DGKI: variants seen among roughly 807,000 people sequenced by gnomAD.
DGKI encodes diacylglycerol kinase iota.
DGKI carries 55 observed loss-of-function variants against 147.5 expected under a neutral mutation model. The ratio of observed to expected loss-of-function variants is 0.37; its 90% CI spans 0.30 to 0.47. The LOEUF (loss-of-function observed/expected upper bound fraction) is 0.47, where lower values mean the gene tolerates loss of function less well. Ranked by LOEUF, DGKI falls within the 20% of genes least tolerant of loss-of-function variation. The pLI is 1.00. For missense variants in DGKI, 1,007 were observed against 1,323.8 expected, an observed-to-expected ratio of 0.76 and a Z score of 3.71; for synonymous variants, 469 against 477.1, an observed-to-expected ratio of 0.98 and a Z score of 0.22.
At chr7:137,681,386 T>C (rs949486950) in intron 2 of DGKI, among the ~76,000 whole-genome samples, 5 of 152,196 alleles carry the variant, frequency 3.3e-5, no homozygotes, top group Non-Finnish European at 5.9e-5. Context: ...CAGATAGTGA[T>C]GGATGATGAC....
chr7:137,768,580 G>A (rs981665813), intron 1 of DGKI, among the ~76,000 whole-genome samples: 4 of 152,120 alleles, frequency 2.6e-5, no homozygotes, highest in Admixed American at 2.6e-4. Context: ...GTAAGCAAAG[G>A]GCACATTTCC....
At chr7:137,615,331 A>G (rs1325309637) in intron 8 of DGKI, among the ~76,000 whole-genome samples, 1 of 152,136 alleles carries the variant, frequency 6.6e-6, no homozygotes, top group African/African-American at 2.4e-5. Flanking sequence ...TTCTAGCTAT[A>G]TTCCCCACTA....
chr7:137,535,343 C>T (rs1563073180), intron 20 of DGKI, among the ~76,000 whole-genome samples: 2 of 152,114 alleles, frequency 1.3e-5, no homozygotes, highest in Non-Finnish European at 2.9e-5. Context: ...CTAATTTTCA[C>T]TTATCTATTA....
At chr7:137,735,857 G>A (rs878887966) in intron 1 of DGKI, among the ~76,000 whole-genome samples, 6 of 152,084 alleles carry the variant, frequency 3.9e-5, no homozygotes, top group Admixed American at 2.6e-4. Flanking sequence ...AATTATAGGA[G>A]CAAGAGCTGA....
chr7:137,566,815 G>A (rs564305386), intron 19 of DGKI, among the ~76,000 whole-genome samples: 1 of 151,970 alleles, frequency 6.6e-6, no homozygotes, highest in South Asian at 2.1e-4. Context: ...ATTTTAAATT[G>A]CCCATTTCTA....
chr7:137,722,233 A>C (rs1794582056), intron 1 of DGKI: 1 of 1,601,734 alleles, frequency 6.2e-7, no homozygotes, highest in Admixed American at 1.7e-5. Context: ...GGTTGAAAAG[A>C]AAAAGAAGGA....
At chr7:137,789,819 C>G (rs1796794820) in intron 1 of DGKI, among the ~76,000 whole-genome samples, 1 of 152,162 alleles carries the variant, frequency 6.6e-6, no homozygotes, top group Admixed American at 6.5e-5. Flanking sequence ...GTAAGAGAAC[C>G]TCCTCTTTGT....
At chr7:137,668,054 G>A (rs1383891990) in intron 3 of DGKI, among the ~76,000 whole-genome samples, 1 of 152,190 alleles carries the variant, frequency 6.6e-6, no homozygotes, top group Non-Finnish European at 1.5e-5. Context: ...AGCTAAGAGT[G>A]GAAGTCTTTC....
chr7:137,811,384 T>TCA (rs55647700), intron 1 of DGKI, among the ~76,000 whole-genome samples: 5,196 of 132,074 alleles, frequency 0.039, 116 homozygotes, highest in Non-Finnish European at 0.051. Context: ...TCTCTCTCTC[T>TCA]CACACACACA....
intron 1 of DGKI, among the ~76,000 whole-genome samples, chr7:137,824,181 A>G (rs534677190): frequency 7.2e-5 from 11 of 152,334 alleles, no homozygotes; most frequent in African/African-American, 2.6e-4. Flanking sequence ...TTAATATATC[A>G]TAACAACGCT....
At chr7:137,514,105 G>T (rs961730762) in intron 21 of DGKI, among the ~76,000 whole-genome samples, 1 of 152,064 alleles carries the variant, frequency 6.6e-6, no homozygotes, top group African/African-American at 2.4e-5. Flanking sequence ...GACCCACCTT[G>T]CTCATGAACA....
At chr7:137,696,362 A>G (rs890236419) in intron 1 of DGKI, among the ~76,000 whole-genome samples, 4 of 151,804 alleles carry the variant, frequency 2.6e-5, no homozygotes, top group African/African-American at 9.7e-5. Context: ...AAACACATGC[A>G]AATGTGCAAT....
In DGKI at chr7:137,846,445, C is replaced by G. The variant is rs753630861; in HGVS notation, c.401+17G>C. 7.0e-6 allele frequency: 11 copies of G among 1,566,620 alleles called. No individual in the cohort carries two copies. In the Admixed American group the frequency reaches 1.5e-4, roughly 22 times the overall value. On this transcript the variant is annotated intron_variant, in intron 1 of 32. Coordinates refer to ENST00000614521, the MANE Select transcript of DGKI (RefSeq NM_001321708.2). This position sits in a 1 kb window ranked among gnomAD's most constrained non-coding sequence, Gnocchi z 4.0. ...GCCGCGGCGCACCTGTCTCGGCTGCCGGCTCCCCGCACCTACCTGTACGAG... is the reference window on the plus strand; with the variant it reads ...GCCGCGGCGCACCTGTCTCGGCTGCGGGCTCCCCGCACCTACCTGTACGAG...
Position 137,424,185 on chromosome 7 carries a change from C to T in DGKI, c.2762-11978G>A, listed in dbSNP as rs576333175. Among the ~76,000 whole-genome samples, 8 of 152,246 alleles carry T rather than the reference C, an allele frequency of 5.3e-5. No homozygotes were observed. The East Asian group carries it at 1.2e-3, about 22-fold the overall frequency. ...GCTAAATTGATTAAGCAACATTATG[C>T]CTTAGAAGAATTGTTATGTAAATGG... On this transcript the variant is annotated intron_variant, in intron 28 of 32. Transcript: ENST00000614521.
chr7:137,616,586 C>T (rs1315739137), intron 8 of DGKI, among the ~76,000 whole-genome samples: 1 of 151,772 alleles, frequency 6.6e-6, no homozygotes, highest in Non-Finnish European at 1.5e-5. Flanking sequence ...CTCTCAAAAC[C>T]TCATGGCTCA....
chr7:137,815,755 G>A (rs943458517), intron 1 of DGKI, among the ~76,000 whole-genome samples: 1 of 152,032 alleles, frequency 6.6e-6, no homozygotes, highest in African/African-American at 2.4e-5. Flanking sequence ...AAATACTGTA[G>A]GTAGAACAGA....
rs1391792628 is a variant in DGKI, at chr7:137,767,088, G to C, written c.402-77086C>G. Among the ~76,000 whole-genome samples the C allele has an allele frequency of 9.9e-5, 15 of 152,132 alleles. 1 individual carries two copies. The highest frequency in any genetic ancestry group is 7.9e-4 in the Admixed American group (12 of 15,280). On this transcript the variant is annotated intron_variant, in intron 1 of 32. Transcript: ENST00000614521. ...CCTTATTCATGTCTGTGACCTGATGGGGGGGCCACTACCAGATGAGCCTGG... is the reference window on the plus strand; with the variant it reads ...CCTTATTCATGTCTGTGACCTGATGCGGGGGCCACTACCAGATGAGCCTGG...
At chr7:137,564,708 TG>T (rs1447901271) in intron 19 of DGKI, among the ~76,000 whole-genome samples, 1 of 152,258 alleles carries the variant, frequency 6.6e-6, no homozygotes, top group Admixed American at 6.5e-5. Context: ...CTTCCAGGGA[TG>T]GAAGTTTATT....
intron 10 of DGKI, among the ~76,000 whole-genome samples, chr7:137,600,357 C>A (rs988367351): frequency 2.0e-5 from 3 of 152,062 alleles, no homozygotes; most frequent in African/African-American, 7.2e-5. Context: ...TCATGGATAG[C>A]CATAGGTTGA....
Sources: gnomAD v4.1 joint callset for allele counts (sites outside exome capture counted in the v4.1 genomes callset) on GRCh38, gnomAD v4.1.1 for gene constraint, Gnocchi (gnomAD v3.1) non-coding constraint, MANE v1.5 for transcripts, NCBI Gene and HGNC (gene_info 2026-07-23, HGNC 2026-07-21) for gene names.